PLPPR1: variants seen among roughly 807,000 people sequenced by gnomAD.
The protein encoded by PLPPR1 is phospholipid phosphatase-related protein type 1.
PLPPR1 carries 10 observed loss-of-function variants against 33.1 expected under a neutral mutation model. That is an observed-to-expected ratio of 0.30 (90% CI 0.19 to 0.51). The LOEUF (loss-of-function observed/expected upper bound fraction) is 0.51, where lower values mean the gene tolerates loss of function less well. PLPPR1 is among the 20% of genes least tolerant of loss of function. The pLI is 0.97. For synonymous variants in PLPPR1, 151 were observed against 151.0 expected, an observed-to-expected ratio of 1.00 and a Z score of 0.00; for missense variants, 304 against 408.1, an observed-to-expected ratio of 0.74 and a Z score of 2.20.
chr9:101,132,730 T>C (rs1588041319), intron 1 of PLPPR1, among the ~76,000 whole-genome samples: 1 of 152,202 alleles, frequency 6.6e-6, no homozygotes, highest in South Asian at 2.1e-4. Context: ...GGGATATTGT[T>C]ACTGGGGAAG....
At chr9:101,150,890 T>G (rs950598787) in intron 1 of PLPPR1, among the ~76,000 whole-genome samples, 3 of 152,086 alleles carry the variant, frequency 2.0e-5, no homozygotes, top group African/African-American at 7.2e-5. Flanking sequence ...GGGCAGTGGC[T>G]CTCGTTCTCG....
chr9:101,042,711 G>A (rs1171511176), intron 1 of PLPPR1, among the ~76,000 whole-genome samples: 1 of 152,162 alleles, frequency 6.6e-6, no homozygotes, highest in African/African-American at 2.4e-5. Flanking sequence ...CCAAAAGAAA[G>A]TTTAATGAAA....
chr9:101,131,242 C>A (rs1831310203), intron 1 of PLPPR1, among the ~76,000 whole-genome samples: 1 of 152,090 alleles, frequency 6.6e-6, no homozygotes, highest in Admixed American at 6.6e-5. Flanking sequence ...TGCGTGAATG[C>A]AGGGAGAAAT....
intron 1 of PLPPR1, among the ~76,000 whole-genome samples, chr9:101,131,295 T>A (rs1023984449): frequency 6.6e-6 from 1 of 152,178 alleles, no homozygotes; most frequent in Non-Finnish European, 1.5e-5. Flanking sequence ...ATATTTCTTT[T>A]AAGGGGAGAA....
At chr9:101,299,286 A>T (rs1312432450) in intron 4 of PLPPR1, among the ~76,000 whole-genome samples, 1 of 152,200 alleles carries the variant, frequency 6.6e-6, no homozygotes, top group Non-Finnish European at 1.5e-5. Context: ...AAGGCACTAG[A>T]TTAGAGACTA....
intron 1 of PLPPR1, among the ~76,000 whole-genome samples, chr9:101,047,672 CAT>C (rs1477339823): frequency 1.3e-5 from 2 of 152,150 alleles, no homozygotes; most frequent in African/African-American, 4.8e-5. Flanking sequence ...AGGATGGAAT[CAT>C]GTGATTTCCT....
intron 1 of PLPPR1, among the ~76,000 whole-genome samples, chr9:101,068,500 C>T (rs759830392): frequency 3.4e-4 from 52 of 151,768 alleles, no homozygotes; most frequent in Admixed American, 1.4e-3. Context: ...GCTAACCAGG[C>T]CTGGTAGGGT....
intron 1 of PLPPR1, among the ~76,000 whole-genome samples, chr9:101,164,890 TTGAC>T (rs1435423638): frequency 2.0e-5 from 3 of 152,164 alleles, no homozygotes; most frequent in Non-Finnish European, 4.4e-5. Flanking sequence ...AATATTATGA[TTGAC>T]TATGCATTAA....
intron 1 of PLPPR1, among the ~76,000 whole-genome samples, chr9:101,180,172 A>G (rs1217220714): frequency 6.9e-6 from 1 of 144,866 alleles, no homozygotes; most frequent in African/African-American, 2.5e-5. Context: ...ATACACACAC[A>G]CACAGACACA....
chr9:101,038,687 G>A (rs979682226), intron 1 of PLPPR1, among the ~76,000 whole-genome samples: 2 of 152,044 alleles, frequency 1.3e-5, no homozygotes, highest in African/African-American at 4.8e-5. Context: ...TCAAGAAGAG[G>A]GAACAAGGGA....
At chr9:101,094,186 C>T (rs76411810) in intron 1 of PLPPR1, among the ~76,000 whole-genome samples, 3,014 of 152,286 alleles carry the variant, frequency 0.02, 63 homozygotes, top group African/African-American at 0.053. Flanking sequence ...TTCAGTGGCT[C>T]CCTATTACCC....
chr9:101,107,869 C>A, intron 1 of PLPPR1, among the ~76,000 whole-genome samples: 1 of 151,302 alleles, frequency 6.6e-6, no homozygotes, highest in African/African-American at 2.4e-5. Context: ...TTTTTTAAGC[C>A]GGTCTGAAAA....
At chr9:101,144,532 GAC>G (rs1831498051) in intron 1 of PLPPR1, among the ~76,000 whole-genome samples, 2 of 152,118 alleles carry the variant, frequency 1.3e-5, no homozygotes, top group Non-Finnish European at 2.9e-5. Context: ...ACCATGTGAA[GAC>G]ACAGTGAGAA....
intron 2 of PLPPR1, among the ~76,000 whole-genome samples, chr9:101,238,301 ATATAGGGTATGTATATAG>A: frequency 7.3e-6 from 1 of 136,460 alleles, no homozygotes; most frequent in African/African-American, 2.7e-5. Flanking sequence ...CCCTATATAT[ATATAGGGTATGTATATAG>A]GATGTATATA....
At chr9:101,122,309 T>TC (rs781669049) in intron 1 of PLPPR1, among the ~76,000 whole-genome samples, 28 of 152,186 alleles carry the variant, frequency 1.8e-4, no homozygotes, top group Non-Finnish European at 2.9e-4. Context: ...TATTTTTCCT[T>TC]CGTTTTACAA....
chr9:101,290,831 C>G (rs1352501619), intron 4 of PLPPR1, among the ~76,000 whole-genome samples: 3 of 152,222 alleles, frequency 2.0e-5, no homozygotes, highest in African/African-American at 7.2e-5. Flanking sequence ...GGAACAGCTC[C>G]AGTCTACAGC....
Position 101,324,344 on chromosome 9 carries a change from TTGTGA to T in PLPPR1, c.*289_*293del, listed in dbSNP as rs1829212719. On this transcript the variant is annotated 3_prime_UTR_variant, in exon 8 of 8. Transcript: ENST00000374874. ...CATTTATTCAATGGTTGACGTTGTT[TTGTGA>T]TATTTGTACACAAATTTTCTTTTCT... The T allele has an allele frequency of 3.3e-6, 1 of 305,016 alleles. No individual in the cohort carries two copies. Among genetic ancestry groups the T allele is most frequent in the Non-Finnish European group, 6.0e-6 (1 of 166,892 alleles). The allele number at this position is 305,016 out of a possible 1,614,324, so 18.9% of individuals were successfully genotyped here.
At chr9:101,223,355 TG>T (rs1271451595) in intron 2 of PLPPR1, among the ~76,000 whole-genome samples, 1 of 151,494 alleles carries the variant, frequency 6.6e-6, no homozygotes, top group Non-Finnish European at 1.5e-5. Flanking sequence ...AAACCTTAAT[TG>T]GGGAAATCGT....
chr9:101,072,187 C>G (rs1830489462), intron 1 of PLPPR1, among the ~76,000 whole-genome samples: 1 of 152,068 alleles, frequency 6.6e-6, no homozygotes, highest in South Asian at 2.1e-4. Flanking sequence ...CTCATTTTTG[C>G]AAATCCACTG....
Sources: allele counts gnomAD v4.1 joint callset (sites outside exome capture counted in the v4.1 genomes callset), GRCh38; gene constraint gnomAD v4.1.1; transcripts MANE v1.5; gene names NCBI Gene and HGNC (gene_info 2026-07-23, HGNC 2026-07-21).